SYNJ2: variants seen among roughly 807,000 people sequenced by gnomAD.
SYNJ2 encodes the protein synaptojanin 2, also known as polyphosphatidylinositol phosphatase SYNJ2.
SYNJ2 carries 116 observed loss-of-function variants against 141.3 expected under a neutral mutation model. The observed-to-expected ratio is 0.82, with a 90% CI of 0.71 to 0.96. The LOEUF (loss-of-function observed/expected upper bound fraction) is 0.96. SYNJ2 is among the 40% of genes least tolerant of loss of function. The pLI is 0.00. For synonymous variants in SYNJ2, 745 were observed against 777.7 expected, an observed-to-expected ratio of 0.96 and a Z score of 0.70; for missense variants, 1,873 against 1,934.8, an observed-to-expected ratio of 0.97 and a Z score of 0.60.
intron 6 of SYNJ2, among the ~76,000 whole-genome samples, chr6:158,056,607 T>A (rs911078898): frequency 1.3e-5 from 2 of 152,168 alleles, no homozygotes; most frequent in Non-Finnish European, 2.9e-5. Flanking sequence ...GTGGCCGCAG[T>A]GGGGCACCAT....
chr6:158,025,725 G>A (rs1779006788), intron 2 of SYNJ2, among the ~76,000 whole-genome samples: 1 of 152,068 alleles, frequency 6.6e-6, no homozygotes, highest in South Asian at 2.1e-4. Flanking sequence ...GGCCGAAGCA[G>A]GCAGATCACC....
intron 1 of SYNJ2, among the ~76,000 whole-genome samples, chr6:158,005,974 T>TGGCTTTCGGAGCTCCCTGCTCCTGCCAC (rs1778054654): frequency 6.6e-6 from 1 of 152,212 alleles, no homozygotes; most frequent in Non-Finnish European, 1.5e-5. Context: ...CTCCAGGGCA[T>TGGCTTTCGGAGCTCCCTGCTCCTGCCAC]GGCTTTCGGA....
intron 7 of SYNJ2, among the ~76,000 whole-genome samples, chr6:158,061,685 C>CCG (rs386409097): frequency 6.6e-6 from 1 of 152,084 alleles, no homozygotes; most frequent in Non-Finnish European, 1.5e-5. Context: ...TCACCTGTGC[C>CCG]CTCCAGAGAG....
rs369574530 is a variant in SYNJ2, at chr6:158,089,982, T to C, written c.3565+35T>C. ...TTCCTGGGGGCAGGGGAAAAACCAATTCTCCTTTTCTTTTTATCTCCCTGC... is the reference window on the plus strand; with the variant it reads ...TTCCTGGGGGCAGGGGAAAAACCAACTCTCCTTTTCTTTTTATCTCCCTGC... On this transcript the variant is annotated intron_variant, in intron 25 of 26. Transcript: ENST00000355585. 2.1e-5 allele frequency: 31 copies of C among 1,457,172 alleles called. No individual in the cohort carries two copies. The Middle Eastern group carries it at 5.2e-4, about 24-fold the overall frequency. The allele number at this position is 1,457,172 out of a possible 1,614,324, so 90.3% of individuals were successfully genotyped here.
intron 26 of SYNJ2, among the ~76,000 whole-genome samples, chr6:158,094,919 G>C (rs1048076694): frequency 1.3e-5 from 2 of 152,136 alleles, no homozygotes; most frequent in Non-Finnish European, 2.9e-5. Flanking sequence ...AGGCTGAGGC[G>C]GGTGGATCAC....
At chr6:158,005,921 C>G (rs180905787) in intron 1 of SYNJ2, among the ~76,000 whole-genome samples, 53 of 152,326 alleles carry the variant, frequency 3.5e-4, no homozygotes, top group African/African-American at 8.9e-4. Flanking sequence ...GCACTGTCTA[C>G]GTTTCAGGCC....
rs531949030 is a variant in SYNJ2 at position 158,093,753 on chromosome 6, G to T, written c.3744+649G>T. 51 of 651,722 alleles carry T rather than the reference G, an allele frequency of 7.8e-5. No individual in the cohort carries two copies. The South Asian group carries it at 8.3e-4, about 11-fold the overall frequency. 40.4% of individuals were successfully genotyped at this position (651,722 alleles called of 1,614,324 possible). On this transcript the variant is annotated intron_variant, in intron 26 of 26. Coordinates refer to ENST00000355585, the MANE Select transcript of SYNJ2 (RefSeq NM_003898.4). ...TTCTGGTACCGCCCATTTGCGTGTG[G>T]TCTGTGTTGTGTGCACATGGTTTCA...
rs1780098026 is a variant in SYNJ2, at chr6:158,043,999, A to G, written c.795+600A>G. Among the ~76,000 whole-genome samples, 1 of 152,236 alleles carries G rather than the reference A, an allele frequency of 6.6e-6. No individual in the cohort carries two copies. On this transcript the variant is annotated intron_variant, in intron 5 of 26. Transcript: ENST00000355585. This position sits in a 1 kb window ranked among gnomAD's most constrained non-coding sequence, Gnocchi z 4.0. Reference sequence around the variant, plus strand: ...GAACACATTTGTCATCAATGGAATGACACGCTGCCTCCTTCACCAGGGTCT... The same window carrying G: ...GAACACATTTGTCATCAATGGAATGGCACGCTGCCTCCTTCACCAGGGTCT...
At chr6:157,998,413 A>G (rs1223793227) in intron 1 of SYNJ2, among the ~76,000 whole-genome samples, 1 of 152,252 alleles carries the variant, frequency 6.6e-6, no homozygotes, top group African/African-American at 2.4e-5. Flanking sequence ...TTGCCAATCA[A>G]GGTCATTTTT....
chr6:158,081,131 G>A lies in SYNJ2; in HGVS notation c.2590G>A (p.Val864Met). ...DHRPVLAIVE[V>M]EVQEVDVGAR... ...CAGACCTGTGCTGGCGATCGTGGAGGTGGAAGTTCAGGAAGTCGATGTGGG... is the reference window on the plus strand; with the variant it reads ...CAGACCTGTGCTGGCGATCGTGGAGATGGAAGTTCAGGAAGTCGATGTGGG... Residue 864 changes from valine to methionine, a missense_variant, in exon 19 of 27, where the codon GTG becomes ATG. By Grantham distance (21) the Val-to-Met change is conservative. Coordinates refer to ENST00000355585, the MANE Select transcript of SYNJ2 (RefSeq NM_003898.4). 1.2e-6 allele frequency: 2 copies of A among 1,614,080 alleles called. No individual in the cohort carries two copies. Among genetic ancestry groups the A allele is most frequent in the Non-Finnish European group, 1.7e-6 (2 of 1,180,038 alleles).
chr6:157,981,975 A>C lies in SYNJ2; in HGVS notation c.14A>C (p.Lys5Thr). The C allele has an allele frequency of 7.9e-7, 1 of 1,264,284 alleles. No homozygotes were observed. Among genetic ancestry groups the C allele is most frequent in the Non-Finnish European group, 9.9e-7 (1 of 1,005,142 alleles). The allele number at this position is 1,264,284 out of a possible 1,614,324, so 78.3% of individuals were successfully genotyped here. The change falls in exon 1 of 27, where the codon AAA (lysine) becomes ACA (threonine). Residue 5 changes from lysine to threonine, a missense_variant. Lys to Thr is a moderately conservative substitution (Grantham distance 78). Coordinates refer to ENST00000355585, the MANE Select transcript of SYNJ2 (RefSeq NM_003898.4). The surrounding 1 kb of genome is among the most constrained non-coding windows in gnomAD (Gnocchi z 6.4). MALS[K>T]GLRLLGRLGA... The stretch of plus-strand genomic sequence containing the variant: ...GGCCCGACCCTCATGGCCCTGAGCA[A>C]AGGGCTGCGGCTGCTGGGGCGCCTG...
In SYNJ2 at chr6:158,070,328, G is replaced by A; in HGVS notation, c.1940+655G>A. ...GAACTGACCTCCCCACTGAGCCCCT[G>A]GGTCCCGGGAAGGGCCTGTGCCTGC... On this transcript the variant is annotated intron_variant, in intron 14 of 26. Transcript: ENST00000355585. The surrounding 1 kb of genome is among the most constrained non-coding windows in gnomAD (Gnocchi z 4.0). 1 of 985,538 alleles carries A rather than the reference G, an allele frequency of 1.0e-6. No individual in the cohort carries two copies. The highest frequency in any genetic ancestry group is 1.2e-6 in the Non-Finnish European group (1 of 830,072). 61.0% of individuals were successfully genotyped at this position (985,538 alleles called of 1,614,324 possible). A position where few individuals can be genotyped will look rare whatever the true frequency, so the allele number is the denominator to read the frequency against.
chr6:158,068,733 G>C lies in SYNJ2; in HGVS notation c.1799+5G>C. The C allele has an allele frequency of 1.9e-6, 3 of 1,614,080 alleles. No individual in the cohort carries two copies. ...AGGGAATATTGTCAATGCCAGGTAAGGGGCCAGGTGTGCGGGGCCAGGCAG... is the reference window on the plus strand; with the variant it reads ...AGGGAATATTGTCAATGCCAGGTAACGGGCCAGGTGTGCGGGGCCAGGCAG... On this transcript the variant is annotated splice_donor_5th_base_variant and intron_variant, in intron 13 of 26. Coordinates refer to ENST00000355585, the MANE Select transcript of SYNJ2 (RefSeq NM_003898.4).
At chr6:158,087,034 T>A in intron 23 of SYNJ2, 45 bp downstream of exon 23, 2 of 1,553,122 alleles carry the variant, frequency 1.3e-6, no homozygotes, top group Non-Finnish European at 1.7e-6. Context: ...CTGCCAGGAA[T>A]AACCGCGCGT....
At chr6:157,994,639 T>C (rs1228670384) in intron 1 of SYNJ2, among the ~76,000 whole-genome samples, 1 of 152,196 alleles carries the variant, frequency 6.6e-6, no homozygotes, top group Non-Finnish European at 1.5e-5. Context: ...CATGATGGCA[T>C]CTCATGTCTC....
intron 1 of SYNJ2, among the ~76,000 whole-genome samples, chr6:158,015,219 T>A (rs547356022): frequency 2.8e-4 from 43 of 152,342 alleles, no homozygotes; most frequent in African/African-American, 9.9e-4. Context: ...TCTGTCATTT[T>A]CTCCTTTCTA....
At chr6:158,026,440 G>A (rs933839709) in intron 2 of SYNJ2, among the ~76,000 whole-genome samples, 8 of 152,108 alleles carry the variant, frequency 5.3e-5, no homozygotes, top group African/African-American at 1.7e-4. Context: ...GATGGAGTCC[G>A]CGCCTGTACA....
intron 4 of SYNJ2, among the ~76,000 whole-genome samples, chr6:158,038,181 G>A (rs1462175132): frequency 6.6e-6 from 1 of 152,186 alleles, no homozygotes; most frequent in Non-Finnish European, 1.5e-5. Context: ...TGTCTGGGCT[G>A]GGGAGGGATT....
intron 26 of SYNJ2, chr6:158,093,987 G>A (rs1783640301): frequency 1.3e-6 from 1 of 765,116 alleles, no homozygotes; most frequent in Non-Finnish European, 2.4e-6. Flanking sequence ...GGCATCTGTA[G>A]ACACATCTGG....
Sources: allele counts gnomAD v4.1 joint callset (sites outside exome capture counted in the v4.1 genomes callset), GRCh38; gene constraint gnomAD v4.1.1; non-coding constraint Gnocchi (gnomAD v3.1); transcripts MANE v1.5; gene names NCBI Gene and HGNC (gene_info 2026-07-23, HGNC 2026-07-21).